The following LRP6 variants were observed in gnomAD, a reference collection of about 807,000 sequenced individuals.
The protein encoded by LRP6 is low-density lipoprotein receptor-related protein 6.
LRP6 carries 43 observed loss-of-function variants against 184.1 expected under a neutral mutation model. The observed-to-expected ratio is 0.23, with a 90% CI of 0.18 to 0.30. The LOEUF is 0.30. Ranked by LOEUF, LRP6 falls within the 10% of genes least tolerant of loss-of-function variation. LRP6 has a pLI of 1.00. For synonymous variants in LRP6, 719 were observed against 684.9 expected (o/e 1.05, Z -0.78); for missense variants, 1,571 against 2,005.3 (o/e 0.78, Z 4.14).
chr12:12,137,303 G>A (rs1464651238), intron 16 of LRP6, among the ~76,000 whole-genome samples: 2 of 152,060 alleles, frequency 1.3e-5, no homozygotes, highest in Non-Finnish European at 2.9e-5. Flanking sequence ...TTTAAAAAAC[G>A]TTTTGCATAT....
intron 17 of LRP6, among the ~76,000 whole-genome samples, chr12:12,133,624 AGTTGTATAC>A (rs1407595543): frequency 2.6e-5 from 4 of 152,166 alleles, no homozygotes; most frequent in Non-Finnish European, 5.9e-5. Context: ...CCTAATACAC[AGTTGTATAC>A]ATCTGTCAAA....
chr12:12,179,804 A>C lies in LRP6; in HGVS notation c.1545+6T>G. The C allele has an allele frequency of 6.2e-7, 1 of 1,613,616 alleles. No homozygotes were observed. Among genetic ancestry groups the C allele is most frequent in the Non-Finnish European group, 8.5e-7 (1 of 1,179,714 alleles). On this transcript the variant is annotated splice_donor_region_variant and intron_variant, in intron 7 of 22. Coordinates refer to ENST00000261349, the MANE Select transcript of LRP6 (RefSeq NM_002336.3). ...TGGCTTGAAAATGAAAAAGCAAAAAACAAACCTCAATCTTGTCTGTTTTGG... is the reference window on the plus strand; with the variant it reads ...TGGCTTGAAAATGAAAAAGCAAAAACCAAACCTCAATCTTGTCTGTTTTGG...
At chr12:12,252,926 T>C (rs1290213173) in intron 1 of LRP6, among the ~76,000 whole-genome samples, 1 of 152,198 alleles carries the variant, frequency 6.6e-6, no homozygotes, top group African/African-American at 2.4e-5. Context: ...ATGAATATAT[T>C]CATCTATATT....
chr12:12,151,652 A>C (rs1339404696), intron 12 of LRP6, among the ~76,000 whole-genome samples: 1 of 152,168 alleles, frequency 6.6e-6, no homozygotes, highest in Admixed American at 6.5e-5. Context: ...AATACTTTAG[A>C]AACTGTAAGG....
At position 12,147,515 on chromosome 12, in the gene LRP6, A is replaced by G; in HGVS notation, c.3248T>C (p.Ile1083Thr). 1 of 1,614,076 alleles carries G rather than the reference A, an allele frequency of 6.2e-7. No individual in the cohort carries two copies. The highest frequency in any genetic ancestry group is 8.5e-7 in the Non-Finnish European group (1 of 1,179,988). Residue 1083 changes from isoleucine (I) to threonine (T), a missense_variant, in exon 15 of 23, where the codon ATT (isoleucine) becomes ACT (threonine). By Grantham distance (89) the Ile-to-Thr change is moderately conservative. This residue lies in a region of LRP6 where 763 missense variants were observed against 859.5 expected (regional missense o/e 0.89). Transcript: ENST00000261349. ...TGTCCCATCCAAAGCAGCCCGTTCAATTTTAGGAGACCTTTCCTGAAGATT... is the reference window on the plus strand; with the variant it reads ...TGTCCCATCCAAAGCAGCCCGTTCAGTTTTAGGAGACCTTTCCTGAAGATT... ...FTNLQERSPK[I>T]ERAALDGTER...
intron 2 of LRP6, among the ~76,000 whole-genome samples, chr12:12,211,336 G>A (rs61920856): frequency 0.85 from 128,898 of 151,496 alleles, 55,026 homozygotes; most frequent in East Asian, 0.95. Flanking sequence ...CAGCTACTTG[G>A]GAGGCTGAGG....
At position 12,244,358 on chromosome 12, in the gene LRP6, C is replaced by T. The variant is rs200659161; in HGVS notation, c.353G>A (p.Arg118Gln). Residue 118 changes from arginine (R) to glutamine (Q), a missense_variant, in exon 2 of 23, where the codon CGG (arginine) becomes CAG (glutamine). Arg to Gln is a conservative substitution (Grantham distance 43). Around this residue, in one of 4 missense-constraint regions of LRP6, gnomAD observed 640 missense variants for 851.9 expected, o/e 0.75. Coordinates refer to ENST00000261349, the MANE Select transcript of LRP6 (RefSeq NM_002336.3). ...TCCATCTAAATTAGAAACTTCAATC[C>T]GATTAGTTTCAGAATCTGTCCAGTA... ...KLYWTDSETN[R>Q]IEVSNLDGSL... The T allele has an allele frequency of 2.2e-5, 36 of 1,613,986 alleles. No individual in the cohort carries two copies. Among genetic ancestry groups the T allele is most frequent in the Admixed American group, 5.0e-5 (3 of 60,002 alleles).
intron 7 of LRP6, among the ~76,000 whole-genome samples, chr12:12,167,654 A>G (rs897744772): frequency 4.0e-5 from 6 of 151,532 alleles, no homozygotes; most frequent in African/African-American, 1.2e-4. Flanking sequence ...AAAAAAAAAA[A>G]GGGACAGCGC....
At chr12:12,232,720 T>C (rs1271670217) in intron 2 of LRP6, among the ~76,000 whole-genome samples, 1 of 151,752 alleles carries the variant, frequency 6.6e-6, no homozygotes, top group Non-Finnish European at 1.5e-5. Flanking sequence ...AAAGACATCA[T>C]CAAACAATAA....
intron 13 of LRP6, among the ~76,000 whole-genome samples, 173 bp from the exon 14 acceptor site, chr12:12,149,326 T>C (rs1213671607): frequency 6.6e-6 from 1 of 152,136 alleles, no homozygotes; most frequent in African/African-American, 2.4e-5. Context: ...TCTTTGTTAA[T>C]ACACATCTCA....
intron 22 of LRP6, among the ~76,000 whole-genome samples, chr12:12,123,643 T>C (rs1043022313): frequency 3.1e-4 from 47 of 152,214 alleles, no homozygotes; most frequent in Admixed American, 2.8e-3. Context: ...TGATGGTCTG[T>C]TGGCCTTTCA....
intron 2 of LRP6, among the ~76,000 whole-genome samples, chr12:12,207,849 C>T (rs1485507341): frequency 6.6e-6 from 1 of 152,156 alleles, no homozygotes; most frequent in Non-Finnish European, 1.5e-5. Flanking sequence ...TGGGGTAACA[C>T]TAACTTGCTG....
intron 2 of LRP6, among the ~76,000 whole-genome samples, chr12:12,222,575 AAAAGAAAGAAAG>A (rs1002134140): frequency 3.4e-5 from 5 of 148,574 alleles, no homozygotes; most frequent in Non-Finnish European, 4.4e-5. Context: ...TCAAAAAAAA[AAAAGAAAGAAAG>A]AAAGAAAGAA....
At chr12:12,243,487 A>G (rs1287926707) in intron 2 of LRP6, among the ~76,000 whole-genome samples, 1 of 152,198 alleles carries the variant, frequency 6.6e-6, no homozygotes, top group Non-Finnish European at 1.5e-5. Context: ...TGGGCTATCA[A>G]ATACTTCTCA....
At chr12:12,222,601 T>C (rs775857724) in intron 2 of LRP6, among the ~76,000 whole-genome samples, 12 of 151,070 alleles carry the variant, frequency 7.9e-5, no homozygotes, top group Non-Finnish European at 1.8e-4. Flanking sequence ...GAAAGAAAGA[T>C]TCCATTCTTG....
Position 12,126,894 on chromosome 12 carries a change from G to A in LRP6, c.4109C>T (p.Ala1370Val). Residue 1370 changes from alanine to valine, a missense_variant, in exon 20 of 23, where the codon GCC (alanine) becomes GTC (valine). This residue lies in a region of LRP6 where 763 missense variants were observed against 859.5 expected (regional missense o/e 0.89). Coordinates refer to ENST00000261349, the MANE Select transcript of LRP6 (RefSeq NM_002336.3). The part of the protein sequence containing the change: ...CYPTEEPAPQ[A>V]TNTVGSVIGV... Reference sequence around the variant, plus strand: ...AATAACAGAACCAACTGTATTGGTGGCCTGTGGTGCTGGTTCTTCAGTCGG... The same window carrying A: ...AATAACAGAACCAACTGTATTGGTGACCTGTGGTGCTGGTTCTTCAGTCGG... The A allele has an allele frequency of 6.2e-7, 1 of 1,614,088 alleles. No homozygotes were observed. The highest frequency in any genetic ancestry group is 8.5e-7 in the Non-Finnish European group (1 of 1,179,946).
chr12:12,213,148 C>G (rs1041531589), intron 2 of LRP6, among the ~76,000 whole-genome samples: 1 of 152,040 alleles, frequency 6.6e-6, no homozygotes, highest in Non-Finnish European at 1.5e-5. Flanking sequence ...CCTAAGGAAT[C>G]TGGCTTAAAA....
intron 3 of LRP6, among the ~76,000 whole-genome samples, chr12:12,202,517 C>T (rs188652140): frequency 2.6e-5 from 4 of 152,180 alleles, no homozygotes; most frequent in African/African-American, 7.2e-5. Context: ...CATTCCAGCC[C>T]GGATGACAAG....
intron 1 of LRP6, among the ~76,000 whole-genome samples, chr12:12,263,091 T>C (rs1165975186): frequency 1.2e-5 from 1 of 85,628 alleles, no homozygotes; most frequent in East Asian, 4.0e-4. Flanking sequence ...CCATCTCTAC[T>C]AAAAATACAA....
Sources: allele counts gnomAD v4.1 joint callset (sites outside exome capture counted in the v4.1 genomes callset), GRCh38; gene constraint gnomAD v4.1.1; regional missense constraint gnomAD v4.1.1; transcripts MANE v1.5; gene names NCBI Gene and HGNC (gene_info 2026-07-23, HGNC 2026-07-21).